The following DNAJC9 variants were observed in gnomAD, a reference collection of about 807,000 sequenced individuals.
The protein encoded by DNAJC9 is dnaJ homolog subfamily C member 9.
DNAJC9 carries 18 observed loss-of-function variants against 32.4 expected under a neutral mutation model. The observed-to-expected ratio is 0.56, with a 90% CI of 0.38 to 0.82. DNAJC9 has a LOEUF of 0.82. Ranked by LOEUF, DNAJC9 falls within the 40% of genes least tolerant of loss-of-function variation. The pLI is 0.00. For synonymous variants in DNAJC9, 113 were observed against 122.1 expected (o/e 0.93, Z 0.49); for missense variants, 310 against 321.8 (o/e 0.96, Z 0.28).
At chr10:73,245,880 G>A (rs2044000727) in intron 3 of DNAJC9, 42 bp downstream of exon 3, 1 of 1,592,422 alleles carries the variant, frequency 6.3e-7, no homozygotes, top group African/African-American at 1.4e-5. Flanking sequence ...AATCCTTTTT[G>A]GAAGCAGTCA....
At chr10:73,234,835 G>C, downstream of DNAJC9, 1 of 1,551,470 alleles carries the variant, frequency 6.4e-7, no homozygotes. Context: ...CACCCGACTC[G>C]CTCTCCTCTC....
rs756362271 is a variant in DNAJC9 at position 73,243,908 on chromosome 10, C to T, written c.598G>A (p.Ala200Thr). 1.9e-6 allele frequency: 3 copies of T among 1,614,138 alleles called. No homozygotes were observed. The highest frequency in any genetic ancestry group is 1.3e-5 in the African/African-American group (1 of 75,044). The change falls in exon 4 of 5, where the codon GCA becomes ACA. Residue 200 changes from alanine (A) to threonine (T), a missense_variant. By Grantham distance (58) the Ala-to-Thr change is moderately conservative. Coordinates refer to ENST00000372950, the MANE Select transcript of DNAJC9 (RefSeq NM_015190.5). ...CCCAACTCCTTTCTGCTCATTTCTGCTTCTTTGGCCTCTTCCTGAGCCTGA... is the reference window on the plus strand; with the variant it reads ...CCCAACTCCTTTCTGCTCATTTCTGTTTCTTTGGCCTCTTCCTGAGCCTGA... Reference protein sequence around the residue: ...KRRAQEEAKEAEMSRKELGLD... With the variant: ...KRRAQEEAKETEMSRKELGLD...
rs2043973372 is a variant in DNAJC9, at chr10:73,243,194, T to A, written c.*206A>T. 2 of 555,164 alleles carry A rather than the reference T, an allele frequency of 3.6e-6. No homozygotes were observed. The highest frequency in any genetic ancestry group is 6.3e-6 in the Non-Finnish European group (2 of 317,642). 34.4% of individuals were successfully genotyped at this position (555,164 alleles called of 1,614,324 possible). A position where few individuals can be genotyped will look rare whatever the true frequency, so the allele number is the denominator to read the frequency against. ...AATGTCACCACCAAGTTCCTTCAGGTGAGACCTCACACAATGTCAAGTGCT... is the reference window on the plus strand; with the variant it reads ...AATGTCACCACCAAGTTCCTTCAGGAGAGACCTCACACAATGTCAAGTGCT... On this transcript the variant is annotated 3_prime_UTR_variant, in exon 5 of 5. Transcript: ENST00000372950.
downstream of DNAJC9, among the ~76,000 whole-genome samples, chr10:73,240,445 G>A (rs1304829043): frequency 3.3e-5 from 5 of 152,174 alleles, no homozygotes; most frequent in African/African-American, 7.2e-5. Context: ...GGGCGTGGTG[G>A]CTCATGCCTG....
chr10:73,247,036 T>A lies in DNAJC9; in HGVS notation c.154A>T (p.Lys52Ter). ...TGGAAGCGGCGGGTGGCGTCCTCCT[T>A]GTCGCCCTCACCCACCCGGTCCGGG... ...VHPDRVGEGDKEDATRRFQIL... is the reference protein window; with the variant it reads ...VHPDRVGEGD Residue 52 changes from lysine (K) to a stop codon, truncating the protein, a stop_gained, in exon 1 of 5, where the codon AAG becomes TAG. Transcript: ENST00000372950. LOFTEE classifies it high-confidence loss of function. The A allele has an allele frequency of 6.5e-7, 1 of 1,538,730 alleles. No homozygotes were observed. Among genetic ancestry groups the A allele is most frequent in the East Asian group, 2.4e-5 (1 of 42,126 alleles).
In DNAJC9 at chr10:73,246,842, G is replaced by A. The variant is rs751276275; in HGVS notation, c.181-14C>T. On this transcript the variant is annotated splice_polypyrimidine_tract_variant and intron_variant, in intron 1 of 4. Transcript: ENST00000372950. ...TTTTCCCAGGATCTGAGGGCAAAGA[G>A]TATCCGTAAATCACCCCTGCTCCTC... The A allele has an allele frequency of 7.4e-6, 12 of 1,613,478 alleles. No individual in the cohort carries two copies. The Admixed American group carries it at 1.5e-4, about 20-fold the overall frequency.
Position 73,244,180 on chromosome 10 carries a change from C to A in DNAJC9, c.577-251G>T. ...GCTAGAGGTAGTAAGTACTCTGGCACTCATAAATCACATGATGATAAAAAG... is the reference window on the plus strand; with the variant it reads ...GCTAGAGGTAGTAAGTACTCTGGCAATCATAAATCACATGATGATAAAAAG... On this transcript the variant is annotated intron_variant, in intron 3 of 4. Coordinates refer to ENST00000372950, the MANE Select transcript of DNAJC9 (RefSeq NM_015190.5). 8.6e-6 allele frequency: 4 copies of A among 467,522 alleles called. No homozygotes were observed. In the South Asian group the frequency reaches 1.1e-4, roughly 13 times the overall value. 29.0% of individuals were successfully genotyped at this position (467,522 alleles called of 1,614,324 possible). A position where few individuals can be genotyped will look rare whatever the true frequency, so the allele number is the denominator to read the frequency against.
Position 73,246,961 on chromosome 10 carries a change from AGGGGGAGGCCCGCGCAGCCGGTCGGCTTC to A in DNAJC9, c.180+20_180+48del. 1 of 1,557,902 alleles carries A rather than the reference AGGGGGAGGCCCGCGCAGCCGGTCGGCTTC, an allele frequency of 6.4e-7. No individual in the cohort carries two copies. The highest frequency in any genetic ancestry group is 8.7e-7 in the Non-Finnish European group (1 of 1,152,424). The stretch of plus-strand genomic sequence containing the variant: ...GGCGGGGCCCGGTAGCCAAAAGGCT[AGGGGGAGGCCCGCGCAGCCGGTCGGCTTC>A]GGGGCGGGACCCTGCATACCTGGAA... On this transcript the variant is annotated intron_variant, in intron 1 of 4. Transcript: ENST00000372950.
downstream of DNAJC9, chr10:73,241,825 T>C (rs1462765782): frequency 6.6e-6 from 1 of 152,228 alleles, no homozygotes; most frequent in African/African-American, 2.4e-5. Flanking sequence ...CAAAGTATAA[T>C]TCCCTAAAAG....
chr10:73,234,834 C>G (rs991366825), downstream of DNAJC9: 5 of 1,551,460 alleles, frequency 3.2e-6, no homozygotes, highest in African/African-American at 2.7e-5. Context: ...GCACCCGACT[C>G]GCTCTCCTCT....
At chr10:73,241,706 G>A (rs2043955265), downstream of DNAJC9, 3 of 152,154 alleles carry the variant, frequency 2.0e-5, no homozygotes, top group African/African-American at 4.8e-5. Flanking sequence ...TAGGTTACTG[G>A]TCATATCTTT....
At chr10:73,234,690 T>G, downstream of DNAJC9, 1 of 986,590 alleles carries the variant, frequency 1.0e-6, no homozygotes, top group Non-Finnish European at 1.5e-6. Context: ...CTTGAAAACA[T>G]AGGTAGCCTA....
At chr10:73,244,812 CAATT>C (rs981342613) in intron 3 of DNAJC9, among the ~76,000 whole-genome samples, 15 of 150,438 alleles carry the variant, frequency 1.0e-4, no homozygotes, top group African/African-American at 3.8e-4. Flanking sequence ...TTCTAAGTAG[CAATT>C]AATGCTATTA....
At chr10:73,234,976 C>A, downstream of DNAJC9, 8 of 1,548,122 alleles carry the variant, frequency 5.2e-6, no homozygotes, top group Non-Finnish European at 7.0e-6. Context: ...CATGTACTTA[C>A]CATACAACCT....
downstream of DNAJC9, chr10:73,234,289 T>C (rs753127149): frequency 1.3e-4 from 20 of 154,594 alleles, no homozygotes; most frequent in Non-Finnish European, 2.4e-4. Context: ...CAGTACTTTT[T>C]TTCAAAGTTG....
chr10:73,237,004 T>C (rs1026514231), downstream of DNAJC9, among the ~76,000 whole-genome samples: 7 of 151,936 alleles, frequency 4.6e-5, no homozygotes, highest in African/African-American at 1.7e-4. Context: ...ATGAGCCACA[T>C]GCCCAGCCTG....
downstream of DNAJC9, among the ~76,000 whole-genome samples, chr10:73,240,126 C>T (rs574123167): frequency 9.9e-5 from 15 of 152,264 alleles, no homozygotes; most frequent in Non-Finnish European, 2.1e-4. Flanking sequence ...TGCTATGTTG[C>T]CCAGGCTGCA....
At chr10:73,239,666 T>A (rs541636033), downstream of DNAJC9, among the ~76,000 whole-genome samples, 16 of 151,102 alleles carry the variant, frequency 1.1e-4, no homozygotes, top group South Asian at 2.1e-4. Flanking sequence ...TTTTTTTTTT[T>A]AAATCTAAAA....
chr10:73,243,986 C>T (rs1169059895), intron 3 of DNAJC9, 57 bp from the exon 4 acceptor site: 2 of 1,407,818 alleles, frequency 1.4e-6, no homozygotes, highest in Middle Eastern at 1.8e-4. Context: ...AAAATACATA[C>T]TCTTTCCCAA....
Sources: allele counts gnomAD v4.1 joint callset (sites outside exome capture counted in the v4.1 genomes callset), GRCh38; gene constraint gnomAD v4.1.1; transcripts MANE v1.5; gene names NCBI Gene and HGNC (gene_info 2026-07-23, HGNC 2026-07-21).